The following XRN1 variants were observed in gnomAD, a reference collection of about 807,000 sequenced individuals.
The protein encoded by XRN1 is 5'-3' exoribonuclease 1, also known as strand-exchange protein 1 homolog.
XRN1 carries 67 observed loss-of-function variants against 222.3 expected under a neutral mutation model. That is an observed-to-expected ratio of 0.30 (90% confidence interval 0.25 to 0.37). The LOEUF is 0.37. Ranked by LOEUF, XRN1 falls within the 10% of genes least tolerant of loss-of-function variation. The pLI is 1.00. For synonymous variants in XRN1, 643 were observed against 652.4 expected, an observed-to-expected ratio of 0.99 and a Z score of 0.22; for missense variants, 1,707 against 2,000.2, an observed-to-expected ratio of 0.85 and a Z score of 2.80.
At chr3:142,312,510 C>G in intron 40 of XRN1, 88 bp downstream of exon 40, 2 of 1,351,278 alleles carry the variant, frequency 1.5e-6, no homozygotes, top group Non-Finnish European at 2.0e-6. Context: ...CTAGTTGGCA[C>G]TGAATAAGTA....
At chr3:142,323,425 G>A (rs1027852284) in intron 37 of XRN1, among the ~76,000 whole-genome samples, 5 of 151,662 alleles carry the variant, frequency 3.3e-5, no homozygotes, top group African/African-American at 4.8e-5. Flanking sequence ...CAAGTGATCC[G>A]CCTGCCTTGG....
chr3:142,403,993 G>GGTAT lies in XRN1; in HGVS notation c.1884-5_1884-4insATAC. 6.4e-7 allele frequency: 1 copy of GGTAT among 1,555,132 alleles called. No homozygotes were observed. The highest frequency in any genetic ancestry group is 8.8e-7 in the Non-Finnish European group (1 of 1,134,134). On this transcript the variant is annotated splice_polypyrimidine_tract_variant and splice_region_variant and intron_variant, in intron 16 of 40. Transcript: ENST00000392981. ...ATCTAAGGATATTATTTTATACCTA[G>GGTAT]AAAATAAATCAAGGCATTTAATTTA...
intron 1 of XRN1, among the ~76,000 whole-genome samples, chr3:142,442,081 C>A (rs963505460): frequency 6.6e-6 from 1 of 152,120 alleles, no homozygotes; most frequent in Non-Finnish European, 1.5e-5. Context: ...AACTAATAGC[C>A]CTCACTTGGG....
At chr3:142,364,033 T>A (rs1424857275) in intron 29 of XRN1, among the ~76,000 whole-genome samples, 2 of 152,222 alleles carry the variant, frequency 1.3e-5, no homozygotes, top group African/African-American at 4.8e-5. Flanking sequence ...TAGGTAGGAA[T>A]CAGGGGAAGG....
At position 142,421,146 on chromosome 3, in the gene XRN1, C is replaced by A. The variant is rs747742395; in HGVS notation, c.1043G>T (p.Arg348Leu). Residue 348 changes from arginine (R) to leucine (L), a missense_variant, in exon 10 of 41, where the codon CGG (arginine) becomes CTG (leucine). Physicochemically the swap from Arg to Leu is moderately radical, Grantham distance 102. Coordinates refer to ENST00000392981, the MANE Select transcript of XRN1 (RefSeq NM_001282857.2). ...KYLVKLSDFD[R>L]EHFSEVFVDL... is the part of the protein sequence containing the mutation. ...CACAAAAACTTCACTGAAGTGCTCC[C>A]GATCAAACTGTACAGAAATATTTAA... The A allele has an allele frequency of 1.2e-6, 2 of 1,609,842 alleles. No individual in the cohort carries two copies. Among genetic ancestry groups the A allele is most frequent in the Admixed American group, 1.7e-5 (1 of 59,208 alleles).
chr3:142,408,080 A>C (rs1321052212), intron 15 of XRN1, among the ~76,000 whole-genome samples: 1 of 152,256 alleles, frequency 6.6e-6, no homozygotes, highest in East Asian at 1.9e-4. Context: ...GACAGTTCAC[A>C]CACCGCTGTC....
At chr3:142,437,450 A>C (rs926802838) in intron 1 of XRN1, among the ~76,000 whole-genome samples, 2 of 152,186 alleles carry the variant, frequency 1.3e-5, no homozygotes, top group African/African-American at 4.8e-5. Context: ...TCTAAAACAT[A>C]ATCTGATCAC....
At chr3:142,409,395 C>T (rs978052167) in intron 15 of XRN1, among the ~76,000 whole-genome samples, 1 of 152,168 alleles carries the variant, frequency 6.6e-6, no homozygotes, top group Non-Finnish European at 1.5e-5. Context: ...ACAAATATAG[C>T]CAGTTGTTCT....
chr3:142,386,362 G>C (rs182589509), intron 20 of XRN1, among the ~76,000 whole-genome samples: 5 of 152,016 alleles, frequency 3.3e-5, no homozygotes, highest in Middle Eastern at 3.4e-3. Context: ...AGAAATTTAG[G>C]GGTAGATTAA....
intron 25 of XRN1, among the ~76,000 whole-genome samples, chr3:142,371,976 C>G (rs1181483086): frequency 6.6e-6 from 1 of 152,108 alleles, no homozygotes; most frequent in Non-Finnish European, 1.5e-5. Context: ...TCTTGAACTA[C>G]CAGTGGGGGA....
intron 29 of XRN1, among the ~76,000 whole-genome samples, chr3:142,364,679 G>A (rs1404153550): frequency 6.6e-6 from 1 of 152,018 alleles, no homozygotes; most frequent in Non-Finnish European, 1.5e-5. Context: ...GAAAATAAGT[G>A]ATTACAATGA....
chr3:142,429,794 T>G (rs2069444316), intron 2 of XRN1: 1 of 152,182 alleles, frequency 6.6e-6, no homozygotes, highest in Admixed American at 6.5e-5. Flanking sequence ...CATATAAGGT[T>G]TGGAAAGTGG....
At chr3:142,336,432 A>AAAGGAAGG (rs111774789) in intron 33 of XRN1, among the ~76,000 whole-genome samples, 111 of 150,968 alleles carry the variant, frequency 7.4e-4, no homozygotes, top group Non-Finnish European at 1.4e-3. Context: ...AGAAGAGGAA[A>AAAGGAAGG]AAGGAAGGAA....
rs2070591264 is a variant in XRN1, at chr3:142,447,769, C to G, written c.75+101G>C. The G allele has an allele frequency of 7.4e-7, 1 of 1,348,486 alleles. No homozygotes were observed. The allele number at this position is 1,348,486 out of a possible 1,614,324, so 83.5% of individuals were successfully genotyped here. A position where few individuals can be genotyped will look rare whatever the true frequency, so the allele number is the denominator to read the frequency against. ...CTAATGCCACTAATCGTCCAGACGA[C>G]GAGGGGAAAGAGGTGGCTCGAAAGC... On this transcript the variant is annotated intron_variant, in intron 1 of 40. Transcript: ENST00000392981. This position sits in a 1 kb window ranked among gnomAD's most constrained non-coding sequence, Gnocchi z 4.2.
At chr3:142,364,133 T>A (rs539496869) in intron 29 of XRN1, among the ~76,000 whole-genome samples, 1 of 152,244 alleles carries the variant, frequency 6.6e-6, no homozygotes, top group Non-Finnish European at 1.5e-5. Flanking sequence ...ACCCCTTGGG[T>A]GATAGTGAGG....
intron 33 of XRN1, 114 bp from the exon 34 acceptor site, chr3:142,335,623 C>T: frequency 4.3e-6 from 4 of 930,202 alleles, no homozygotes; most frequent in Non-Finnish European, 6.7e-6. Flanking sequence ...AATTTCAAGA[C>T]ACAGTCTCTG....
intron 35 of XRN1, 53 bp downstream of exon 35, chr3:142,332,914 T>C (rs1257525807): frequency 6.2e-7 from 1 of 1,600,142 alleles, no homozygotes; most frequent in Admixed American, 1.7e-5. Flanking sequence ...TATGTCTGCA[T>C]GGTCAACAGT....
chr3:142,318,724 A>G, intron 38 of XRN1, 30 bp from the exon 39 acceptor site: 1 of 1,610,114 alleles, frequency 6.2e-7, no homozygotes, highest in Non-Finnish European at 8.5e-7. Context: ...TTACAAGACA[A>G]TGCAATACAA....
intron 20 of XRN1, among the ~76,000 whole-genome samples, chr3:142,388,558 T>C (rs1430250172): frequency 6.6e-6 from 1 of 152,182 alleles, no homozygotes; most frequent in East Asian, 1.9e-4. Flanking sequence ...GTAGTTAACT[T>C]TTTGTTAGTG....
Sources: allele counts gnomAD v4.1 joint callset (sites outside exome capture counted in the v4.1 genomes callset), GRCh38; gene constraint gnomAD v4.1.1; non-coding constraint Gnocchi (gnomAD v3.1); transcripts MANE v1.5; gene names NCBI Gene and HGNC (gene_info 2026-07-23, HGNC 2026-07-21).